The following FRMD6 variants were observed in gnomAD, a reference collection of about 807,000 sequenced individuals.
FRMD6 encodes the protein FERM domain-containing protein 6.
A neutral mutation model predicts 73.2 loss-of-function variants in FRMD6; 37 were observed. The ratio of observed to expected loss-of-function variants is 0.51; its 90% CI spans 0.39 to 0.66. FRMD6 has a LOEUF of 0.66. FRMD6 is among the 30% of genes least tolerant of loss of function. The pLI is 0.00. For missense variants in FRMD6, 714 were observed against 780.5 expected, an observed-to-expected ratio of 0.91 and a Z score of 1.02; for synonymous variants, 273 against 282.2, an observed-to-expected ratio of 0.97 and a Z score of 0.33.
chr14:51,477,839 A>C, the FRMD6 span, among the ~76,000 whole-genome samples: 1 of 151,038 alleles, frequency 6.6e-6, no homozygotes, highest in Non-Finnish European at 1.5e-5. Flanking sequence ...CCTGGGGTTC[A>C]AGTGATTCTT....
intron 1 of FRMD6, among the ~76,000 whole-genome samples, chr14:51,566,702 C>T (rs182621706): frequency 6.6e-6 from 1 of 152,246 alleles, no homozygotes; most frequent in East Asian, 1.9e-4. Flanking sequence ...TGCAGTTTTG[C>T]CATTACTTTT....
At chr14:51,475,999 T>C in the FRMD6 span, among the ~76,000 whole-genome samples, 1 of 152,196 alleles carries the variant, frequency 6.6e-6, no homozygotes, top group East Asian at 1.9e-4. Context: ...CCTCATCATT[T>C]GCCCCCGGCT....
chr14:51,666,762 C>T (rs924042813), intron 1 of FRMD6, among the ~76,000 whole-genome samples: 3 of 152,094 alleles, frequency 2.0e-5, no homozygotes, highest in Non-Finnish European at 4.4e-5. Flanking sequence ...ATTTATAGCT[C>T]TAGAATTTAT....
intron 2 of FRMD6, among the ~76,000 whole-genome samples, chr14:51,625,336 G>A (rs533989607): frequency 2.0e-5 from 3 of 152,102 alleles, no homozygotes; most frequent in South Asian, 4.1e-4. Flanking sequence ...GAAGAGGTCC[G>A]ATAATTTCTA....
intron 2 of FRMD6, among the ~76,000 whole-genome samples, chr14:51,642,442 A>AGGCAGAAT (rs1297987005): frequency 6.6e-6 from 1 of 152,154 alleles, no homozygotes; most frequent in African/African-American, 2.4e-5. Context: ...TGGGAGACTG[A>AGGCAGAAT]GGCAGAATTG....
intron 7 of FRMD6, among the ~76,000 whole-genome samples, chr14:51,710,858 T>C (rs561845481): frequency 7.2e-5 from 11 of 152,296 alleles, no homozygotes; most frequent in East Asian, 3.9e-4. Context: ...GGTTTTTTTT[T>C]CCCCTTATGC....
chr14:51,436,066 C>A, the FRMD6 span: 1 of 195,800 alleles, frequency 5.1e-6, no homozygotes, highest in South Asian at 9.6e-5. Flanking sequence ...TCTCCACTCC[C>A]ACCTCAAGTG....
intron 1 of FRMD6, among the ~76,000 whole-genome samples, chr14:51,561,029 G>C (rs905717476): frequency 5.3e-5 from 8 of 152,202 alleles, no homozygotes; most frequent in African/African-American, 1.9e-4. Context: ...TCTTCCTGCT[G>C]TCAGAAGACT....
the FRMD6 span, among the ~76,000 whole-genome samples, chr14:51,443,112 C>A: frequency 6.6e-6 from 1 of 152,212 alleles, no homozygotes; most frequent in South Asian, 2.1e-4. Context: ...CCCCTTCTTG[C>A]CACTACTGGC....
intron 2 of FRMD6, among the ~76,000 whole-genome samples, chr14:51,575,106 G>T (rs762944887): frequency 2.0e-5 from 3 of 152,146 alleles, no homozygotes; most frequent in Non-Finnish European, 4.4e-5. Flanking sequence ...TGCCTAGAGA[G>T]ATGATGCCCC....
chr14:51,584,496 T>G (rs908583906), intron 2 of FRMD6, among the ~76,000 whole-genome samples: 1 of 152,210 alleles, frequency 6.6e-6, no homozygotes, highest in African/African-American at 2.4e-5. Context: ...TGGTACCACT[T>G]GGGCATAGAC....
chr14:51,401,920 A>T, the FRMD6 span, among the ~76,000 whole-genome samples: 1 of 152,190 alleles, frequency 6.6e-6, no homozygotes, highest in African/African-American at 2.4e-5. Context: ...GGAGTGCTGA[A>T]GATAAGGTTG....
the FRMD6 span, among the ~76,000 whole-genome samples, chr14:51,468,635 G>T: frequency 2.0e-5 from 3 of 152,126 alleles, no homozygotes; most frequent in Non-Finnish European, 4.4e-5. Flanking sequence ...GAGAAGGGAA[G>T]TATTCTTGCT....
intron 1 of FRMD6, among the ~76,000 whole-genome samples, chr14:51,565,809 A>G (rs1273113255): frequency 6.6e-6 from 1 of 152,156 alleles, no homozygotes; most frequent in African/African-American, 2.4e-5. Context: ...CCCTCATTTG[A>G]GGAACAAAAA....
At chr14:51,683,565 A>G (rs1025129385) in intron 1 of FRMD6, among the ~76,000 whole-genome samples, 7 of 152,084 alleles carry the variant, frequency 4.6e-5, no homozygotes, top group African/African-American at 1.7e-4. Context: ...CTGGGATTAC[A>G]GATGTGCGTC....
the FRMD6 span, among the ~76,000 whole-genome samples, chr14:51,420,570 C>T: frequency 6.6e-6 from 1 of 152,170 alleles, no homozygotes; most frequent in Non-Finnish European, 1.5e-5. Flanking sequence ...CAACCAACCA[C>T]ATATCAAAAA....
intron 12 of FRMD6, among the ~76,000 whole-genome samples, chr14:51,725,471 C>G (rs952331060): frequency 1.3e-5 from 2 of 152,204 alleles, no homozygotes; most frequent in Non-Finnish European, 2.9e-5. Flanking sequence ...TGCTTTATAC[C>G]TATAGTCTTT....
intron 1 of FRMD6, among the ~76,000 whole-genome samples, chr14:51,559,802 G>C (rs747793244): frequency 6.6e-6 from 1 of 152,006 alleles, no homozygotes; most frequent in Non-Finnish European, 1.5e-5. Context: ...CCCCTTCCCT[G>C]AGCCTGCAAG....
At chr14:51,544,268 AG>A (rs1464054199) in intron 1 of FRMD6, among the ~76,000 whole-genome samples, 4 of 152,082 alleles carry the variant, frequency 2.6e-5, no homozygotes, top group Non-Finnish European at 4.4e-5. Flanking sequence ...TTAAAACTTA[AG>A]GATTTATGTA....
Sources: gnomAD v4.1 joint callset for allele counts (sites outside exome capture counted in the v4.1 genomes callset) on GRCh38, gnomAD v4.1.1 for gene constraint, MANE v1.5 for transcripts, NCBI Gene and HGNC (gene_info 2026-07-23, HGNC 2026-07-21) for gene names.